Variants in RPS6KA6 observed in about 807,000 individuals in gnomAD.
RPS6KA6 encodes the protein ribosomal protein S6 kinase A6.
RPS6KA6 carries 27 observed loss-of-function variants against 65.4 expected under a neutral mutation model. The observed-to-expected ratio is 0.41, with a 90% CI of 0.30 to 0.57. The LOEUF is 0.57. Among genes scored for constraint, RPS6KA6 ranks in the 20% least tolerant of loss-of-function variants. The pLI is 0.24. For missense variants in RPS6KA6, 486 were observed against 555.6 expected (o/e 0.87, Z 1.26); for synonymous variants, 190 against 184.2 (o/e 1.03, Z -0.26).
intron 20 of RPS6KA6, among the ~76,000 whole-genome samples, chrX:84,074,233 C>A (rs1416026063): frequency 9.0e-6 from 1 of 111,633 alleles, no homozygotes; most frequent in Non-Finnish European, 1.9e-5. Flanking sequence ...ACCTGGAAGA[C>A]ATTATGTTAA....
chrX:84,106,603 G>A (rs2034362787), intron 14 of RPS6KA6, 116 bp from the exon 15 acceptor site: 1 of 561,814 alleles, frequency 1.8e-6, no homozygotes, highest in Non-Finnish European at 2.7e-6. Context: ...TCATTCTACA[G>A]AAGTTTTATC....
rs367703141 is a variant in RPS6KA6, at chrX:84,165,752, A to G, written c.82-1365T>C. On this transcript the variant is annotated intron_variant, in intron 1 of 21. Coordinates refer to ENST00000262752, the MANE Select transcript of RPS6KA6 (RefSeq NM_014496.5). ...GGAAGCAGGAAAAGAGGTCCCTTTT[A>G]TAAGAAAAATGTGAAGGTAATCCCT... Among the ~76,000 whole-genome samples the G allele has an allele frequency of 2.9e-4, 32 of 111,442 alleles. No individual in the cohort carries two copies. The East Asian group carries it at 3.4e-3, about 12-fold the overall frequency.
intron 1 of RPS6KA6, among the ~76,000 whole-genome samples, chrX:84,181,015 T>C (rs2147649353): frequency 8.9e-6 from 1 of 111,968 alleles, no homozygotes; most frequent in East Asian, 2.8e-4. Flanking sequence ...GGTACATAGT[T>C]CATGCTCAAT....
intron 6 of RPS6KA6, among the ~76,000 whole-genome samples, chrX:84,142,991 A>G (rs902657979): frequency 8.1e-5 from 9 of 110,953 alleles, no homozygotes; most frequent in African/African-American, 2.9e-4. Flanking sequence ...ATGGAGTCAG[A>G]ATTACTCTAA....
intron 18 of RPS6KA6, among the ~76,000 whole-genome samples, chrX:84,099,353 GATGA>G (rs2034217573): frequency 9.0e-6 from 1 of 111,228 alleles, no homozygotes; most frequent in African/African-American, 3.3e-5. Flanking sequence ...AGAGCGGTAG[GATGA>G]ATGAAAGAGT....
At chrX:84,116,138 G>T in intron 12 of RPS6KA6, 91 bp downstream of exon 12, 1 of 524,545 alleles carries the variant, frequency 1.9e-6, no homozygotes, top group Admixed American at 3.7e-5. Context: ...ATATTCCACT[G>T]ATTTGTTATT....
intron 20 of RPS6KA6, among the ~76,000 whole-genome samples, chrX:84,082,839 A>G (rs1196098117): frequency 1.8e-5 from 2 of 111,858 alleles, no homozygotes; most frequent in Non-Finnish European, 3.8e-5. Context: ...AAGAACAAGC[A>G]AAGAGGAAAG....
At chrX:84,184,260 G>A (rs766598501) in intron 1 of RPS6KA6, among the ~76,000 whole-genome samples, 28 of 112,371 alleles carry the variant, frequency 2.5e-4, no homozygotes, top group Admixed American at 3.8e-4. Flanking sequence ...AACTGCTTAC[G>A]AAATGGAAGG....
intron 20 of RPS6KA6, among the ~76,000 whole-genome samples, chrX:84,080,647 T>C (rs1042187117): frequency 1.9e-5 from 2 of 105,475 alleles, no homozygotes; most frequent in Non-Finnish European, 3.9e-5. Context: ...TCTACAGAAC[T>C]CTCCACCCCA....
chrX:84,108,796 G>A (rs2034412636), intron 12 of RPS6KA6, among the ~76,000 whole-genome samples: 1 of 111,698 alleles, frequency 9.0e-6, no homozygotes, highest in African/African-American at 3.3e-5. Context: ...CAGGGAGCAG[G>A]GAGGCTGGTA....
chrX:84,145,186 A>C (rs2147543070), intron 6 of RPS6KA6, among the ~76,000 whole-genome samples: 1 of 111,503 alleles, frequency 9.0e-6, no homozygotes, highest in African/African-American at 3.2e-5. Context: ...TTTTAAAATG[A>C]ATAAACACTA....
At chrX:84,177,014 A>C (rs1362405541) in intron 1 of RPS6KA6, among the ~76,000 whole-genome samples, 2 of 111,435 alleles carry the variant, frequency 1.8e-5, no homozygotes, top group African/African-American at 6.5e-5. Context: ...CAGTGAATAA[A>C]GAAAATATAA....
Position 84,097,868 on chromosome X carries a change from T to C in RPS6KA6, c.1777-20A>G. 9.4e-7 allele frequency: 1 copy of C among 1,068,853 alleles called. No homozygotes were observed. 88.1% of individuals were successfully genotyped at this position (1,068,853 alleles called of 1,213,427 possible). On this transcript the variant is annotated intron_variant, in intron 18 of 21. Transcript: ENST00000262752. ...AAGAACCTAAGAAAGAAATACTCAT[T>C]ATATGGTGTTACTCAATATAAACTC...
chrX:84,174,710 T>C (rs148889540), intron 1 of RPS6KA6, among the ~76,000 whole-genome samples: 3 of 111,822 alleles, frequency 2.7e-5, no homozygotes, highest in African/African-American at 9.7e-5. Flanking sequence ...CCTTCCACCT[T>C]ACCCTATGAA....
At chrX:84,121,235 T>C (rs1262901084) in intron 8 of RPS6KA6, among the ~76,000 whole-genome samples, 1 of 111,418 alleles carries the variant, frequency 9.0e-6, no homozygotes, top group Non-Finnish European at 1.9e-5. Flanking sequence ...ACCAGCTAAT[T>C]CACTGTATTT....
At chrX:84,150,053 C>T (rs1051713863) in intron 3 of RPS6KA6, among the ~76,000 whole-genome samples, 4 of 101,301 alleles carry the variant, frequency 3.9e-5, no homozygotes, top group African/African-American at 1.4e-4. Context: ...CATTACCTTA[C>T]ACTTTTATGT....
At chrX:84,094,145 A>G (rs938240672) in intron 20 of RPS6KA6, among the ~76,000 whole-genome samples, 9 of 109,819 alleles carry the variant, frequency 8.2e-5, no homozygotes, top group Non-Finnish European at 1.5e-4. Context: ...ATTGCTTTAA[A>G]CACAAGATGA....
intron 9 of RPS6KA6, among the ~76,000 whole-genome samples, chrX:84,118,923 T>C (rs1028834017): frequency 8.9e-6 from 1 of 112,075 alleles, no homozygotes; most frequent in African/African-American, 3.2e-5. Context: ...TATAGGTTTA[T>C]AGCTTCACTT....
chrX:84,134,838 AT>A lies in RPS6KA6; in HGVS notation c.609-20del. 1 of 1,058,221 alleles carries A rather than the reference AT, an allele frequency of 9.4e-7. No homozygotes were observed. Among genetic ancestry groups the A allele is most frequent in the Non-Finnish European group, 1.3e-6 (1 of 782,831 alleles). 87.2% of individuals were successfully genotyped at this position (1,058,221 alleles called of 1,213,427 possible). A position where few individuals can be genotyped will look rare whatever the true frequency, so the allele number is the denominator to read the frequency against. ...CAAAATGCTGTAAATCAAAATTCACATTCAACAAGATGGAATAAAATATTTT... is the reference window on the plus strand; with the variant it reads ...CAAAATGCTGTAAATCAAAATTCACATCAACAAGATGGAATAAAATATTTT... On this transcript the variant is annotated intron_variant, in intron 7 of 21. Transcript: ENST00000262752.
Sources: gnomAD v4.1 joint callset for allele counts (sites outside exome capture counted in the v4.1 genomes callset) on GRCh38, gnomAD v4.1.1 for gene constraint, MANE v1.5 for transcripts, NCBI Gene and HGNC (gene_info 2026-07-23, HGNC 2026-07-21) for gene names.